Variants in PLXNA4 observed in about 807,000 individuals in gnomAD.
PLXNA4 encodes the protein plexin-A4.
In PLXNA4, 44 loss-of-function variants were observed where a neutral mutation model predicts 191.8. The observed-to-expected ratio is 0.23, with a 90% confidence interval of 0.18 to 0.29. The LOEUF (loss-of-function observed/expected upper bound fraction) is 0.29. Ranked by LOEUF, PLXNA4 falls within the 10% of genes least tolerant of loss-of-function variation. PLXNA4 has a pLI of 1.00. For missense variants in PLXNA4, 1,800 were observed against 2,488.8 expected, an observed-to-expected ratio of 0.72 and a Z score of 5.89; for synonymous variants, 1,082 against 1,009.5, an observed-to-expected ratio of 1.07 and a Z score of -1.36.
Position 132,231,764 on chromosome 7 carries a change from A to T in PLXNA4, c.1605-3295T>A, listed in dbSNP as rs1394212068. ...TTCTCCATGACTGGCCCTTGGGGCA[A>T]ATCAAAGACAAAAGAAAGGCACGGC... On this transcript the variant is annotated intron_variant, in intron 5 of 31. Coordinates refer to ENST00000321063, the MANE Select transcript of PLXNA4 (RefSeq NM_020911.2). Among the ~76,000 whole-genome samples the T allele has an allele frequency of 2.0e-5, 3 of 152,196 alleles. No homozygotes were observed. The East Asian group carries it at 5.8e-4, about 29-fold the overall frequency.
chr7:132,514,802 G>GCACACACACA (rs10632716), intron 1 of PLXNA4, among the ~76,000 whole-genome samples: 1 of 149,014 alleles, frequency 6.7e-6, no homozygotes, highest in African/African-American at 2.5e-5. Flanking sequence ...GTGTCTCTAT[G>GCACACACACA]CACACACACA....
chr7:132,602,364 C>G (rs890804580), intron 2 of PLXNA4, among the ~76,000 whole-genome samples: 1 of 152,162 alleles, frequency 6.6e-6, no homozygotes, highest in Non-Finnish European at 1.5e-5. Context: ...AGAGCAAGCT[C>G]CCCAGATGAC....
intron 18 of PLXNA4, 50 bp downstream of exon 18, chr7:132,181,331 G>A: frequency 1.2e-6 from 2 of 1,607,118 alleles, no homozygotes; most frequent in Non-Finnish European, 1.7e-6. Context: ...CCCCTTCCAT[G>A]CAGCAGCCCC....
intron 3 of PLXNA4, among the ~76,000 whole-genome samples, chr7:132,403,069 C>T (rs1370393753): frequency 6.6e-6 from 1 of 152,210 alleles, no homozygotes; most frequent in Non-Finnish European, 1.5e-5. Flanking sequence ...GGTTCAGAGC[C>T]AGAGAGGGCA....
intron 1 of PLXNA4, among the ~76,000 whole-genome samples, chr7:132,562,643 TCTCCTC>T (rs771030469): frequency 4.3e-5 from 2 of 46,242 alleles, no homozygotes; most frequent in African/African-American, 9.8e-5. Flanking sequence ...TCCTCCTCTT[TCTCCTC>T]CTCCTCCTCC....
chr7:132,503,825 T>C (rs1325829796), intron 2 of PLXNA4, among the ~76,000 whole-genome samples: 1 of 152,142 alleles, frequency 6.6e-6, no homozygotes, highest in Non-Finnish European at 1.5e-5. Context: ...CCCCCCCTCA[T>C]ACCCATGTCC....
intron 25 of PLXNA4, among the ~76,000 whole-genome samples, chr7:132,155,139 G>GGGGCTATTGA (rs1562887096): frequency 6.6e-6 from 1 of 152,196 alleles, no homozygotes; most frequent in African/African-American, 2.4e-5. Context: ...TGGAGTTCTG[G>GGGGCTATTGA]GGGCTATTGA....
chr7:132,437,661 C>G (rs1245888050), intron 3 of PLXNA4, among the ~76,000 whole-genome samples: 1 of 152,036 alleles, frequency 6.6e-6, no homozygotes, highest in African/African-American at 2.4e-5. Context: ...GCCTCTTCAG[C>G]CTCTCCTATT....
chr7:132,291,139 T>C (rs1467878696), intron 4 of PLXNA4, among the ~76,000 whole-genome samples: 2 of 152,118 alleles, frequency 1.3e-5, no homozygotes, highest in Non-Finnish European at 1.5e-5. Flanking sequence ...GCCCGTCCGG[T>C]GTCCTCAAAA....
At chr7:132,198,431 A>T (rs4731853) in intron 13 of PLXNA4, 54 bp downstream of exon 13, 126 of 1,587,420 alleles carry the variant, frequency 7.9e-5, no homozygotes, top group East Asian at 5.2e-4. Flanking sequence ...CATCCCTAAT[A>T]CTAACCCGTC....
At chr7:132,178,961 T>A (rs1206707638) in intron 20 of PLXNA4, among the ~76,000 whole-genome samples, 2 of 120,420 alleles carry the variant, frequency 1.7e-5, no homozygotes, top group African/African-American at 7.0e-5. Context: ...ACACACAGCC[T>A]CCAGCACTGC....
intron 2 of PLXNA4, among the ~76,000 whole-genome samples, chr7:132,596,802 C>T (rs924373): frequency 0.98 from 147,964 of 151,096 alleles, 72,492 homozygotes; most frequent in East Asian, 1. Flanking sequence ...GCAATAATTT[C>T]CCATGATAAA....
chr7:132,561,505 C>A, intron 1 of PLXNA4, among the ~76,000 whole-genome samples: 1 of 125,234 alleles, frequency 8.0e-6, no homozygotes, highest in Non-Finnish European at 1.7e-5. Context: ...CCTCCCCCAC[C>A]TCCTCCTCCT....
upstream of PLXNA4, among the ~76,000 whole-genome samples, chr7:132,579,254 G>A (rs956217396): frequency 4.6e-5 from 7 of 152,108 alleles, no homozygotes; most frequent in African/African-American, 1.7e-4. Flanking sequence ...TTAAAGGCGC[G>A]GGGGAGACTC....
chr7:132,314,987 A>G (rs1432553014), intron 3 of PLXNA4, among the ~76,000 whole-genome samples: 2 of 152,262 alleles, frequency 1.3e-5, no homozygotes, highest in Admixed American at 6.5e-5. Context: ...GAGACACTCC[A>G]TAAATAAAAG....
chr7:132,246,962 A>C (rs1799080330), intron 4 of PLXNA4, among the ~76,000 whole-genome samples: 1 of 152,130 alleles, frequency 6.6e-6, no homozygotes. Flanking sequence ...GGTCTTCATA[A>C]GTTTCTCCAT....
chr7:132,370,505 T>C (rs1804393132), intron 3 of PLXNA4, among the ~76,000 whole-genome samples: 1 of 152,222 alleles, frequency 6.6e-6, no homozygotes, highest in Admixed American at 6.5e-5. Flanking sequence ...TTTATAAAAT[T>C]ATCCATTTGT....
At chr7:132,164,391 C>T in intron 23 of PLXNA4, 103 bp from the exon 24 acceptor site, 1 of 1,491,688 alleles carries the variant, frequency 6.7e-7, no homozygotes, top group East Asian at 2.4e-5. Context: ...TGCCAAGTCC[C>T]TGCACCTGCC....
chr7:132,334,252 C>CTTTTTTTTTTTTTTTTTTTTTTTTTTTT (rs71529758), intron 3 of PLXNA4, among the ~76,000 whole-genome samples: 8 of 75,606 alleles, frequency 1.1e-4, no homozygotes, highest in Non-Finnish European at 1.4e-4. Context: ...TTCTTTCTTT[C>CTTTTTTTTTTTTTTTTTTTTTTTTTTTT]TTTTTTTTTT....
Sources: allele counts gnomAD v4.1 joint callset (sites outside exome capture counted in the v4.1 genomes callset), GRCh38; gene constraint gnomAD v4.1.1; transcripts MANE v1.5; gene names NCBI Gene and HGNC (gene_info 2026-07-23, HGNC 2026-07-21).